BST1: variants seen among roughly 807,000 people sequenced by gnomAD.
The protein encoded by BST1 is bone marrow stromal cell antigen 1.
In BST1, 49 loss-of-function variants were observed where a neutral mutation model predicts 40.6. The ratio of observed to expected loss-of-function variants is 1.21; its 90% CI spans 0.96 to 1.53. BST1 has a LOEUF of 1.53. Among genes scored for constraint, BST1 ranks in the 40% most tolerant of loss-of-function variants. The pLI is 0.00. For synonymous variants in BST1, 157 were observed against 159.3 expected (o/e 0.99, Z 0.11); for missense variants, 423 against 395.9 (o/e 1.07, Z -0.58).
chr4:15,743,754 C>T, the BST1 span, among the ~76,000 whole-genome samples: 1 of 152,226 alleles, frequency 6.6e-6, no homozygotes, highest in Non-Finnish European at 1.5e-5. Flanking sequence ...GATTTTTACC[C>T]TGGCTTTGCC....
chr4:15,748,828 C>A, the BST1 span, among the ~76,000 whole-genome samples: 2 of 152,152 alleles, frequency 1.3e-5, no homozygotes, highest in African/African-American at 4.8e-5. Flanking sequence ...TTATGATTAC[C>A]ATTTTATGAC....
At position 15,722,868 on chromosome 4, in the gene BST1, T is replaced by C; in HGVS notation, c.792-7T>C. On this transcript the variant is annotated splice_region_variant and splice_polypyrimidine_tract_variant and intron_variant, in intron 7 of 8. Transcript: ENST00000265016. ...ATAATCCCTTAAATATTATTTTCTT[T>C]CTGTAGACCAGTGAAGCTCTTACAG... 3 of 1,611,276 alleles carry C rather than the reference T, an allele frequency of 1.9e-6. No individual in the cohort carries two copies. The highest frequency in any genetic ancestry group is 2.5e-6 in the Non-Finnish European group (3 of 1,177,944).
chr4:15,742,519 A>G (rs1311384888), downstream of BST1, among the ~76,000 whole-genome samples: 2 of 152,244 alleles, frequency 1.3e-5, no homozygotes, highest in Non-Finnish European at 2.9e-5. Context: ...ATTTTAAGCC[A>G]AATAAACCTC....
the BST1 span, among the ~76,000 whole-genome samples, chr4:15,762,219 A>T: frequency 7.7e-6 from 1 of 130,568 alleles, no homozygotes; most frequent in Non-Finnish European, 1.7e-5. Context: ...AAAAAAAAAT[A>T]GAAAGAACTT....
chr4:15,747,165 T>C, the BST1 span, among the ~76,000 whole-genome samples: 4 of 152,210 alleles, frequency 2.6e-5, no homozygotes, highest in Non-Finnish European at 5.9e-5. Context: ...TCGTCCATTG[T>C]GGTAGCTGAC....
the BST1 span, among the ~76,000 whole-genome samples, chr4:15,762,184 A>G: frequency 1.0e-5 from 1 of 99,946 alleles, no homozygotes; most frequent in Non-Finnish European, 2.0e-5. Context: ...GTGAGACTCC[A>G]TCTCAAAAAA....
chr4:15,739,064 C>G (rs1051487414), downstream of BST1, among the ~76,000 whole-genome samples: 4 of 152,232 alleles, frequency 2.6e-5, no homozygotes, highest in African/African-American at 9.6e-5. Flanking sequence ...CTCAGCCTTA[C>G]TCTTCTCAGG....
chr4:15,736,262 C>A, downstream of BST1: 1 of 455,542 alleles, frequency 2.2e-6, no homozygotes, highest in South Asian at 2.4e-5. Flanking sequence ...AGTGCATCGT[C>A]CTCTTGCTCA....
At chr4:15,762,188 CAAAAAAAAAAAAAAAA>C in the BST1 span, among the ~76,000 whole-genome samples, 1 of 61,238 alleles carries the variant, frequency 1.6e-5, no homozygotes, top group African/African-American at 6.2e-5. Flanking sequence ...GACTCCATCT[CAAAAAAAAAAAAAAAA>C]AAAAAAAAAA....
At chr4:15,707,899 A>G (rs545667648) in intron 3 of BST1, among the ~76,000 whole-genome samples, 139 of 150,062 alleles carry the variant, frequency 9.3e-4, no homozygotes, top group African/African-American at 3.2e-3. Context: ...ACATATATAT[A>G]CATATCTATA....
At chr4:15,761,692 T>A in the BST1 span, among the ~76,000 whole-genome samples, 1 of 151,998 alleles carries the variant, frequency 6.6e-6, no homozygotes, top group African/African-American at 2.4e-5. Context: ...ATTATTCTTA[T>A]GTGATAGAAA....
chr4:15,769,094 A>G, the BST1 span, among the ~76,000 whole-genome samples: 1 of 152,338 alleles, frequency 6.6e-6, no homozygotes, highest in Non-Finnish European at 1.5e-5. Flanking sequence ...AACAAGAATT[A>G]TGTATGAATT....
the BST1 span, among the ~76,000 whole-genome samples, chr4:15,764,685 T>G: frequency 1.3e-5 from 2 of 151,924 alleles, no homozygotes; most frequent in East Asian, 3.9e-4. Flanking sequence ...CTGATTTTCC[T>G]CTGGAGAGCT....
chr4:15,755,286 G>A, the BST1 span, among the ~76,000 whole-genome samples: 1 of 152,032 alleles, frequency 6.6e-6, no homozygotes, highest in African/African-American at 2.4e-5. Flanking sequence ...TTACAGGTGT[G>A]CACCACCACG....
the BST1 span, among the ~76,000 whole-genome samples, chr4:15,768,742 C>A: frequency 6.6e-6 from 1 of 151,704 alleles, no homozygotes; most frequent in African/African-American, 2.4e-5. Context: ...ATGATCCACC[C>A]GCCTCAGCCT....
At chr4:15,738,809 A>G (rs1721660919), downstream of BST1, among the ~76,000 whole-genome samples, 1 of 152,172 alleles carries the variant, frequency 6.6e-6, no homozygotes. Flanking sequence ...AGCTTTTTTT[A>G]TTTCTCCTGC....
chr4:15,731,571 G>C lies in BST1; in HGVS notation c.852-169G>C, dbSNP rs902142228. ...ACTTGGGGTGCTTGCGCTGGTTTCG[G>C]TGCAGGACTTCGCGCACCGCCTCCT... On this transcript the variant is annotated intron_variant, in intron 8 of 8. Transcript: ENST00000265016. 19 of 1,071,850 alleles carry C rather than the reference G, an allele frequency of 1.8e-5. No homozygotes were observed. In the African/African-American group the frequency reaches 2.2e-4, roughly 12 times the overall value. The allele number at this position is 1,071,850 out of a possible 1,614,324, so 66.4% of individuals were successfully genotyped here.
At chr4:15,731,469 A>G in intron 8 of BST1, 2 of 885,164 alleles carry the variant, frequency 2.3e-6, no homozygotes, top group Non-Finnish European at 3.7e-6. Context: ...CTTAAGCCTG[A>G]CGGTGCCCGA....
chr4:15,707,586 G>A lies in BST1; in HGVS notation c.391G>A (p.Asp131Asn), dbSNP rs143814312. ...DNTRRFMPLS[D>N]VLYGRVADFL... ...CACCCGTCGTTTTATGCCCCTGAGC[G>A]ATGTTCTGTATGGCAGGGTTGCAGA... The change falls in exon 3 of 9, where the codon GAT becomes AAT. Residue 131 changes from aspartate to asparagine, a missense_variant. Physicochemically the swap from Asp to Asn is conservative, Grantham distance 23. Coordinates refer to ENST00000265016, the MANE Select transcript of BST1 (RefSeq NM_004334.3). 145 of 1,613,958 alleles carry A rather than the reference G, an allele frequency of 9.0e-5. No individual in the cohort carries two copies. The highest frequency in any genetic ancestry group is 1.6e-4 in the Middle Eastern group (1 of 6,084).
Sources: gnomAD v4.1 joint callset for allele counts (sites outside exome capture counted in the v4.1 genomes callset) on GRCh38, gnomAD v4.1.1 for gene constraint, MANE v1.5 for transcripts, NCBI Gene and HGNC (gene_info 2026-07-23, HGNC 2026-07-21) for gene names.